The following GFRAL variants were observed in gnomAD, a reference collection of about 807,000 sequenced individuals.
The protein encoded by GFRAL is GDNF family receptor alpha like.
GFRAL carries 36 observed loss-of-function variants against 45.4 expected under a neutral mutation model. The observed-to-expected ratio is 0.79, with a 90% CI of 0.61 to 1.05. The LOEUF (loss-of-function observed/expected upper bound fraction) is 1.05. Among genes scored for constraint, GFRAL ranks in the 50% least tolerant of loss-of-function variants. The probability of loss-of-function intolerance (pLI) is 0.00; values close to 1 mark genes in which losing one functional copy is unlikely to be tolerated. For synonymous variants in GFRAL, 166 were observed against 154.1 expected (o/e 1.08, Z -0.57); for missense variants, 507 against 467.5 (o/e 1.08, Z -0.78).
At chr6:55,386,682 A>T (rs1768685229) in intron 6 of GFRAL, among the ~76,000 whole-genome samples, 1 of 152,172 alleles carries the variant, frequency 6.6e-6, no homozygotes, top group African/African-American at 2.4e-5. Flanking sequence ...ATTTTATCTT[A>T]GGACCTTTCA....
chr6:55,351,619 C>T (rs370448981), intron 5 of GFRAL, 36 bp downstream of exon 5: 39 of 1,487,820 alleles, frequency 2.6e-5, no homozygotes, highest in African/African-American at 1.2e-4. Context: ...TTTCTTATTT[C>T]GGCACCTTAT....
chr6:55,341,477 G>T (rs1767964530), intron 3 of GFRAL, among the ~76,000 whole-genome samples: 1 of 152,150 alleles, frequency 6.6e-6, no homozygotes, highest in African/African-American at 2.4e-5. Flanking sequence ...CTGTTAGAAG[G>T]AAAACTAACA....
intron 3 of GFRAL, among the ~76,000 whole-genome samples, chr6:55,344,069 C>A (rs1163041259): frequency 6.6e-6 from 1 of 152,006 alleles, no homozygotes; most frequent in South Asian, 2.1e-4. Flanking sequence ...AAAAAAAAGT[C>A]CAGGACCAGA....
At chr6:55,389,189 C>G (rs1768716486) in intron 6 of GFRAL, among the ~76,000 whole-genome samples, 1 of 152,134 alleles carries the variant, frequency 6.6e-6, no homozygotes, top group Non-Finnish European at 1.5e-5. Context: ...TATTTCATCA[C>G]CCAGGTATTA....
chr6:55,352,550 G>GA (rs1768131841), intron 5 of GFRAL, among the ~76,000 whole-genome samples: 1 of 152,070 alleles, frequency 6.6e-6, no homozygotes, highest in Non-Finnish European at 1.5e-5. Context: ...TATGGCCACA[G>GA]AGTCCTCTTG....
chr6:55,364,314 G>A (rs1293603970), intron 6 of GFRAL, among the ~76,000 whole-genome samples: 1 of 150,674 alleles, frequency 6.6e-6, no homozygotes, highest in South Asian at 2.1e-4. Context: ...ATTTGTTTTA[G>A]TTCATTGTAG....
intron 3 of GFRAL, among the ~76,000 whole-genome samples, chr6:55,346,262 T>G (rs147490930): frequency 0.013 from 1,989 of 152,224 alleles, 23 homozygotes; most frequent in Non-Finnish European, 0.022. Flanking sequence ...TGCAACACTA[T>G]TCACAATAGC....
At chr6:55,349,879 A>T (rs140123307) in intron 3 of GFRAL, among the ~76,000 whole-genome samples, 2,018 of 151,884 alleles carry the variant, frequency 0.013, 25 homozygotes, top group Non-Finnish European at 0.022. Flanking sequence ...GCAGGGCTGT[A>T]TAGCTCACTT....
At chr6:55,385,926 A>G (rs1335961735) in intron 6 of GFRAL, among the ~76,000 whole-genome samples, 1 of 152,074 alleles carries the variant, frequency 6.6e-6, no homozygotes, top group Admixed American at 6.6e-5. Flanking sequence ...ATGTGTTCTG[A>G]TAGTCTTGGA....
intron 5 of GFRAL, among the ~76,000 whole-genome samples, chr6:55,353,253 A>G (rs1307711890): frequency 1.3e-5 from 2 of 152,056 alleles, no homozygotes; most frequent in African/African-American, 4.8e-5. Context: ...TACTGGCAAA[A>G]AAACACAAAA....
In GFRAL at chr6:55,401,909, C is replaced by A; in HGVS notation, c.*56C>A. On this transcript the variant is annotated 3_prime_UTR_variant, in exon 9 of 9. Coordinates refer to ENST00000340465, the MANE Select transcript of GFRAL (RefSeq NM_207410.2). Reference sequence around the variant, plus strand: ...ACTCTTTTCTCTGCTTTTCTTCTTTCCTCTTTTCTTCTCTCCTCTCCTCTC... The same window carrying A: ...ACTCTTTTCTCTGCTTTTCTTCTTTACTCTTTTCTTCTCTCCTCTCCTCTC... 1.0e-6 allele frequency: 1 copy of A among 977,856 alleles called. No homozygotes were observed. Among genetic ancestry groups the A allele is most frequent in the Non-Finnish European group, 1.6e-6 (1 of 608,780 alleles). 60.6% of individuals were successfully genotyped at this position (977,856 alleles called of 1,614,324 possible). A position where few individuals can be genotyped will look rare whatever the true frequency, so the allele number is the denominator to read the frequency against.
intron 6 of GFRAL, among the ~76,000 whole-genome samples, chr6:55,395,141 G>A (rs1002435037): frequency 7.6e-6 from 1 of 130,762 alleles, no homozygotes; most frequent in Admixed American, 7.9e-5. Context: ...ACTCTCCCCT[G>A]TTGTTTTCAA....
At chr6:55,371,475 GA>G (rs141643187) in intron 6 of GFRAL, among the ~76,000 whole-genome samples, 7,655 of 151,844 alleles carry the variant, frequency 0.05, 292 homozygotes, top group African/African-American at 0.095. Context: ...AGGACCTACA[GA>G]AAAAAAGTGA....
chr6:55,394,311 C>T (rs1347875601), intron 6 of GFRAL, among the ~76,000 whole-genome samples: 5 of 152,076 alleles, frequency 3.3e-5, no homozygotes, highest in African/African-American at 1.2e-4. Flanking sequence ...TGAGATCACT[C>T]AGTAAGATTA....
chr6:55,343,256 A>C (rs1767994336), intron 3 of GFRAL, among the ~76,000 whole-genome samples: 1 of 152,164 alleles, frequency 6.6e-6, no homozygotes, highest in Non-Finnish European at 1.5e-5. Flanking sequence ...ACTTATTCGA[A>C]AATTGACCAC....
In GFRAL at chr6:55,393,320, A is replaced by G. The variant is rs1397041865; in HGVS notation, c.953-5860A>G. Among the ~76,000 whole-genome samples the G allele has an allele frequency of 2.6e-5, 4 of 152,212 alleles. No homozygotes were observed. The East Asian group carries it at 7.7e-4, about 29-fold the overall frequency. ...TATTACATCTAACCCAAAATTTTCT[A>G]AAGTCATTTACTTATGGGATCTTTT... On this transcript the variant is annotated intron_variant, in intron 6 of 8. Coordinates refer to ENST00000340465, the MANE Select transcript of GFRAL (RefSeq NM_207410.2).
chr6:55,346,316 A>G (rs1458004546), intron 3 of GFRAL, among the ~76,000 whole-genome samples: 3 of 152,232 alleles, frequency 2.0e-5, no homozygotes, highest in African/African-American at 7.2e-5. Context: ...GATAGACTTG[A>G]TTAAGGAAAT....
At chr6:55,342,134 G>A (rs920284200) in intron 3 of GFRAL, among the ~76,000 whole-genome samples, 1 of 152,168 alleles carries the variant, frequency 6.6e-6, no homozygotes, top group Non-Finnish European at 1.5e-5. Flanking sequence ...CCCCAATCTA[G>A]CAAGGCAGAC....
intron 5 of GFRAL, among the ~76,000 whole-genome samples, chr6:55,353,284 GA>G (rs1201175182): frequency 2.0e-5 from 3 of 152,006 alleles, no homozygotes; most frequent in African/African-American, 2.4e-5. Flanking sequence ...TCAACTTCCT[GA>G]AGGTTCTTAG....
Sources: allele counts gnomAD v4.1 joint callset (sites outside exome capture counted in the v4.1 genomes callset), GRCh38; gene constraint gnomAD v4.1.1; transcripts MANE v1.5; gene names NCBI Gene and HGNC (gene_info 2026-07-23, HGNC 2026-07-21).